CYP19A1: variants seen among roughly 807,000 people sequenced by gnomAD.
CYP19A1 encodes cytochrome P450 family 19 subfamily A member 1.
CYP19A1 carries 32 observed loss-of-function variants against 44.4 expected under a neutral mutation model. The ratio of observed to expected loss-of-function variants is 0.72; its 90% CI spans 0.54 to 0.97. The LOEUF is 0.97. Ranked by LOEUF, CYP19A1 falls within the 50% of genes least tolerant of loss-of-function variation. The probability of loss-of-function intolerance (pLI) is 0.00; values close to 1 mark genes in which losing one functional copy is unlikely to be tolerated. For synonymous variants in CYP19A1, 212 were observed against 215.6 expected (o/e 0.98, Z 0.14); for missense variants, 598 against 637.8 (o/e 0.94, Z 0.67).
chr15:51,208,514 A>C lies in CYP19A1; in HGVS notation c.*2294T>G, dbSNP rs2030604063. The C allele has an allele frequency of 6.7e-6, 1 of 150,120 alleles. No individual in the cohort carries two copies. The highest frequency in any genetic ancestry group is 2.1e-4 in the South Asian group (1 of 4,708). 9.3% of individuals were successfully genotyped at this position (150,120 alleles called of 1,614,324 possible). On this transcript the variant is annotated 3_prime_UTR_variant, in exon 10 of 10. Coordinates refer to ENST00000396402, the MANE Select transcript of CYP19A1 (RefSeq NM_000103.4). ...AAGAGTGACGGTTAAGCACTTAACAATGGGGCAAAATTCTGAAGATAATAG... is the reference window on the plus strand; with the variant it reads ...AAGAGTGACGGTTAAGCACTTAACACTGGGGCAAAATTCTGAAGATAATAG...
intron 5 of CYP19A1, among the ~76,000 whole-genome samples, chr15:51,221,086 A>C (rs1457923820): frequency 6.6e-6 from 1 of 152,174 alleles, no homozygotes; most frequent in African/African-American, 2.4e-5. Context: ...TATGGATTTA[A>C]GAATCCTGTT....
At chr15:51,316,861 T>G (rs1424138495) in intron 1 of CYP19A1, among the ~76,000 whole-genome samples, 1 of 152,226 alleles carries the variant, frequency 6.6e-6, no homozygotes, top group African/African-American at 2.4e-5. Context: ...AAGTGTCATG[T>G]GCAGCATTTA....
At chr15:51,257,185 C>T (rs1339086077) in intron 1 of CYP19A1, among the ~76,000 whole-genome samples, 1 of 152,184 alleles carries the variant, frequency 6.6e-6, no homozygotes. Context: ...CAAACTTCAC[C>T]TTATTATATC....
chr15:51,268,522 C>CA (rs1302758868), intron 1 of CYP19A1, among the ~76,000 whole-genome samples: 1 of 38,990 alleles, frequency 2.6e-5, no homozygotes, highest in Non-Finnish European at 5.5e-5. Context: ...GTTTCCTTCC[C>CA]CCCCCCCCTT....
intron 1 of CYP19A1, among the ~76,000 whole-genome samples, chr15:51,298,993 A>G (rs1198593500): frequency 6.6e-6 from 1 of 152,196 alleles, no homozygotes; most frequent in Non-Finnish European, 1.5e-5. Context: ...CAGGCACCCC[A>G]TCTGCCACCC....
At chr15:51,294,241 C>T (rs59089679) in intron 1 of CYP19A1, among the ~76,000 whole-genome samples, 13,963 of 135,790 alleles carry the variant, frequency 0.1, 1,853 homozygotes, top group African/African-American at 0.15. Flanking sequence ...CGCCTCTTCC[C>T]GGCCACCATC....
At position 51,210,535 on chromosome 15, in the gene CYP19A1, G is replaced by A. The variant is rs2030832090; in HGVS notation, c.*273C>T. 8 of 599,142 alleles carry A rather than the reference G, an allele frequency of 1.3e-5. No homozygotes were observed. The highest frequency in any genetic ancestry group is 2.5e-5 in the Non-Finnish European group (8 of 317,876). 37.1% of individuals were successfully genotyped at this position (599,142 alleles called of 1,614,324 possible). ...TATCCTTCTCAAAGCACATTTGGTG[G>A]AATCGGGTCTTTATGGATACGGTTT... On this transcript the variant is annotated 3_prime_UTR_variant, in exon 10 of 10. Transcript: ENST00000396402.
intron 1 of CYP19A1, among the ~76,000 whole-genome samples, chr15:51,328,525 G>C (rs779722629): frequency 4.6e-5 from 7 of 151,630 alleles, no homozygotes; most frequent in Non-Finnish European, 8.8e-5. Context: ...CCCTCACTGG[G>C]AATCCTGAGT....
chr15:51,298,326 T>A (rs2036041642), intron 1 of CYP19A1, among the ~76,000 whole-genome samples: 1 of 152,236 alleles, frequency 6.6e-6, no homozygotes, highest in Non-Finnish European at 1.5e-5. Context: ...ATTAACTTAT[T>A]TAGATTTTGT....
chr15:51,316,800 G>A (rs2036434541), intron 1 of CYP19A1, among the ~76,000 whole-genome samples: 1 of 152,076 alleles, frequency 6.6e-6, no homozygotes, highest in Non-Finnish European at 1.5e-5. Context: ...AGCCTCTCTT[G>A]CAGCTGGATA....
chr15:51,260,162 T>A (rs16964227), intron 1 of CYP19A1, among the ~76,000 whole-genome samples: 6,065 of 152,298 alleles, frequency 0.04, 427 homozygotes, highest in African/African-American at 0.14. Flanking sequence ...TTGCTGAAAC[T>A]AGATGGTGGC....
At chr15:51,224,750 T>G (rs1051993291) in intron 4 of CYP19A1, among the ~76,000 whole-genome samples, 1 of 152,186 alleles carries the variant, frequency 6.6e-6, no homozygotes, top group South Asian at 2.1e-4. Context: ...TTAGTGATTC[T>G]CCATAGTTTT....
intron 1 of CYP19A1, among the ~76,000 whole-genome samples, chr15:51,294,158 TCTGCCTGG>T (rs1230925584): frequency 7.6e-6 from 1 of 131,370 alleles, no homozygotes; most frequent in Non-Finnish European, 1.5e-5. Context: ...GAGGAGCCCC[TCTGCCTGG>T]CTGCCCAGTC....
chr15:51,310,014 T>C (rs1045039255), intron 1 of CYP19A1, among the ~76,000 whole-genome samples: 3 of 152,228 alleles, frequency 2.0e-5, no homozygotes, highest in Admixed American at 6.5e-5. Context: ...CATAGACTCC[T>C]GGGACCTGCC....
At chr15:51,312,223 T>A (rs2036326480) in intron 1 of CYP19A1, 1 of 152,256 alleles carries the variant, frequency 6.6e-6, no homozygotes, top group African/African-American at 2.4e-5. Flanking sequence ...TCATTTTCAA[T>A]AAATGCATTT....
intron 1 of CYP19A1, among the ~76,000 whole-genome samples, chr15:51,280,314 G>A (rs1210236504): frequency 6.6e-6 from 1 of 151,536 alleles, no homozygotes; most frequent in Non-Finnish European, 1.5e-5. Flanking sequence ...TAGCCAGGAT[G>A]GTCTTGATCT....
chr15:51,215,907 T>C (rs2031526903), intron 6 of CYP19A1, 90 bp from the exon 7 acceptor site: 2 of 1,590,796 alleles, frequency 1.3e-6, no homozygotes, highest in Non-Finnish European at 1.7e-6. Flanking sequence ...GGTAAAATGA[T>C]CTGCTTTAAT....
At chr15:51,283,825 G>A (rs377489271) in intron 1 of CYP19A1, among the ~76,000 whole-genome samples, 6 of 152,152 alleles carry the variant, frequency 3.9e-5, no homozygotes, top group Non-Finnish European at 5.9e-5. Context: ...AGGCATACCC[G>A]GCACAGCCAG....
intron 7 of CYP19A1, 123 bp downstream of exon 7, chr15:51,215,580 A>T (rs2031488820): frequency 1.3e-6 from 2 of 1,568,076 alleles, no homozygotes. Flanking sequence ...TTGGGATTAC[A>T]GAACTGCTAG....
Sources: allele counts gnomAD v4.1 joint callset (sites outside exome capture counted in the v4.1 genomes callset), GRCh38; gene constraint gnomAD v4.1.1; transcripts MANE v1.5; gene names NCBI Gene and HGNC (gene_info 2026-07-23, HGNC 2026-07-21).